TOX: variants seen among roughly 807,000 people sequenced by gnomAD.
The protein encoded by TOX is thymocyte selection associated high mobility group box, also known as thymocyte selection-associated high mobility group box protein TOX.
A neutral mutation model predicts 53.7 loss-of-function variants in TOX; 11 were observed. The ratio of observed to expected loss-of-function variants is 0.20; its 90% confidence interval spans 0.13 to 0.34. The LOEUF (loss-of-function observed/expected upper bound fraction) is 0.34. Among genes scored for constraint, TOX ranks in the 10% least tolerant of loss-of-function variants. The pLI is 1.00. For missense variants in TOX, 570 were observed against 664.6 expected (o/e 0.86, Z 1.56); for synonymous variants, 225 against 245.3 (o/e 0.92, Z 0.77).
At chr8:58,823,283 G>T (rs1387782213) in intron 6 of TOX, among the ~76,000 whole-genome samples, 16 of 152,124 alleles carry the variant, frequency 1.1e-4, no homozygotes. Flanking sequence ...AGGGCAGGTG[G>T]TACAATCTTG....
intron 3 of TOX, among the ~76,000 whole-genome samples, chr8:58,928,571 T>C (rs1457029381): frequency 6.6e-6 from 1 of 152,232 alleles, no homozygotes; most frequent in African/African-American, 2.4e-5. Context: ...TTTTATTCTA[T>C]GTGAAAAATA....
At chr8:58,959,247 G>A (rs1258750146) in intron 2 of TOX, among the ~76,000 whole-genome samples, 1 of 152,160 alleles carries the variant, frequency 6.6e-6, no homozygotes, top group Non-Finnish European at 1.5e-5. Context: ...GGCTTTAAAT[G>A]TTCTGCTGAA....
chr8:59,070,163 T>G (rs1408755643), intron 1 of TOX, among the ~76,000 whole-genome samples: 1 of 152,176 alleles, frequency 6.6e-6, no homozygotes, highest in East Asian at 1.9e-4. Context: ...CAAAATAAAC[T>G]TACAAGTGAA....
intron 3 of TOX, among the ~76,000 whole-genome samples, chr8:58,869,192 A>C (rs964324657): frequency 7.0e-5 from 10 of 143,202 alleles, no homozygotes; most frequent in Middle Eastern, 4.0e-3. Context: ...GCACCACTGC[A>C]CTCCAGTCTG....
chr8:58,812,488 C>T (rs150058581), intron 7 of TOX, among the ~76,000 whole-genome samples: 4 of 152,268 alleles, frequency 2.6e-5, no homozygotes, highest in African/African-American at 9.6e-5. Flanking sequence ...ACACCCTTCC[C>T]ACTTTCCAGT....
At chr8:58,891,381 C>T (rs956733017) in intron 3 of TOX, among the ~76,000 whole-genome samples, 1 of 151,932 alleles carries the variant, frequency 6.6e-6, no homozygotes, top group Non-Finnish European at 1.5e-5. Context: ...TCCACAGAAG[C>T]CAAAGGGAAG....
intron 3 of TOX, among the ~76,000 whole-genome samples, chr8:58,915,137 C>T (rs2129174351): frequency 6.6e-6 from 1 of 151,662 alleles, no homozygotes; most frequent in East Asian, 2.0e-4. Context: ...GGGCGCCCAC[C>T]ATTGCCCAGG....
intron 3 of TOX, among the ~76,000 whole-genome samples, chr8:58,936,650 T>A (rs1812349799): frequency 6.6e-6 from 1 of 152,158 alleles, no homozygotes; most frequent in Non-Finnish European, 1.5e-5. Flanking sequence ...TCTTCCAACT[T>A]TATTAGATTT....
intron 1 of TOX, among the ~76,000 whole-genome samples, chr8:59,035,157 T>C (rs1814434181): frequency 6.6e-6 from 1 of 152,230 alleles, no homozygotes. Flanking sequence ...TAGCCTACTC[T>C]GGTACTAAAT....
intron 1 of TOX, among the ~76,000 whole-genome samples, chr8:58,962,973 G>A (rs1812827067): frequency 6.6e-6 from 1 of 152,150 alleles, no homozygotes; most frequent in Admixed American, 6.5e-5. Context: ...TGACAGACTG[G>A]GTAAAGCAGA....
At chr8:58,873,758 G>T (rs902039157) in intron 3 of TOX, among the ~76,000 whole-genome samples, 6 of 151,894 alleles carry the variant, frequency 4.0e-5, no homozygotes, top group African/African-American at 1.5e-4. Context: ...AACATCTTTG[G>T]AAGATGGTTA....
At chr8:58,959,543 C>T (rs527651778) in intron 2 of TOX, among the ~76,000 whole-genome samples, 2 of 152,154 alleles carry the variant, frequency 1.3e-5, no homozygotes, top group Non-Finnish European at 2.9e-5. Flanking sequence ...ACGAACGTTA[C>T]GTTTTGTTGA....
intron 1 of TOX, among the ~76,000 whole-genome samples, chr8:59,002,509 G>A (rs1022489870): frequency 1.3e-5 from 2 of 150,892 alleles, no homozygotes; most frequent in African/African-American, 4.8e-5. Context: ...GGAGAATGGC[G>A]TGAACCCGGG....
chr8:59,022,232 G>A (rs1259574782), intron 1 of TOX, among the ~76,000 whole-genome samples: 2 of 152,094 alleles, frequency 1.3e-5, no homozygotes, highest in African/African-American at 4.8e-5. Flanking sequence ...AGTTTGGTGA[G>A]TTTTGTGAAT....
At chr8:59,097,824 G>A (rs1215043125) in intron 1 of TOX, among the ~76,000 whole-genome samples, 8 of 152,158 alleles carry the variant, frequency 5.3e-5, no homozygotes, top group Admixed American at 4.6e-4. Context: ...CATGCATCCT[G>A]TAAGCATAAA....
At chr8:58,879,986 T>C (rs1407727069) in intron 3 of TOX, among the ~76,000 whole-genome samples, 1 of 152,224 alleles carries the variant, frequency 6.6e-6, no homozygotes, top group Non-Finnish European at 1.5e-5. Flanking sequence ...TTATTATCTT[T>C]ACTGTCTTTT....
chr8:58,949,915 A>G (rs12156223), intron 2 of TOX, among the ~76,000 whole-genome samples: 37,993 of 135,948 alleles, frequency 0.28, 4,858 homozygotes, highest in Non-Finnish European at 0.35. Context: ...CACGTGTAAT[A>G]TACAATTACA....
At chr8:58,951,105 A>G (rs1291934279) in intron 2 of TOX, among the ~76,000 whole-genome samples, 1 of 152,158 alleles carries the variant, frequency 6.6e-6, no homozygotes, top group African/African-American at 2.4e-5. Flanking sequence ...TTTTGTCCTT[A>G]AAGTTCTAAA....
At chr8:58,824,126 C>A (rs748428050) in intron 6 of TOX, among the ~76,000 whole-genome samples, 14 of 152,112 alleles carry the variant, frequency 9.2e-5, no homozygotes, top group Admixed American at 2.0e-4. Context: ...ATTGAGAGGA[C>A]TCATGAGCAG....
Sources: gnomAD v4.1 joint callset for allele counts (sites outside exome capture counted in the v4.1 genomes callset) on GRCh38, gnomAD v4.1.1 for gene constraint, MANE v1.5 for transcripts, NCBI Gene and HGNC (gene_info 2026-07-23, HGNC 2026-07-21) for gene names.